FGGY: variants seen among roughly 807,000 people sequenced by gnomAD.
The protein encoded by FGGY is FGGY carbohydrate kinase domain-containing protein.
FGGY carries 72 observed loss-of-function variants against 71.3 expected under a neutral mutation model. The observed-to-expected ratio is 1.01, with a 90% CI of 0.84 to 1.23. The LOEUF (loss-of-function observed/expected upper bound fraction) is 1.23, where lower values mean the gene tolerates loss of function less well. Ranked by LOEUF, FGGY falls within the 50% of genes most tolerant of loss-of-function variation. The pLI is 0.00. For missense variants in FGGY, 668 were observed against 682.3 expected (o/e 0.98, Z 0.23); for synonymous variants, 251 against 250.3 (o/e 1.00, Z -0.02).
At chr1:59,514,076 T>C (rs932207473) in intron 7 of FGGY, among the ~76,000 whole-genome samples, 1 of 152,236 alleles carries the variant, frequency 6.6e-6, no homozygotes, top group Non-Finnish European at 1.5e-5. Context: ...GTGCTTTTGA[T>C]TGGAATGTTA....
At chr1:59,589,893 C>G (rs1255104732) in intron 8 of FGGY, among the ~76,000 whole-genome samples, 1 of 151,994 alleles carries the variant, frequency 6.6e-6, no homozygotes, top group Non-Finnish European at 1.5e-5. Flanking sequence ...GAAGCAAGAG[C>G]AAACACATTC....
chr1:59,338,927 T>C (rs574625140), intron 2 of FGGY, among the ~76,000 whole-genome samples: 7 of 152,178 alleles, frequency 4.6e-5, no homozygotes, highest in African/African-American at 7.2e-5. Context: ...CTGCATATAT[T>C]GCCACTACCA....
At chr1:59,742,284 C>T (rs2098157011) in intron 14 of FGGY, among the ~76,000 whole-genome samples, 1 of 152,214 alleles carries the variant, frequency 6.6e-6, no homozygotes, top group South Asian at 2.1e-4. Context: ...ATCATGCTGC[C>T]TCAGTCATTA....
chr1:59,432,856 C>A (rs537200025), intron 5 of FGGY, among the ~76,000 whole-genome samples: 2 of 152,294 alleles, frequency 1.3e-5, no homozygotes, highest in Non-Finnish European at 2.9e-5. Flanking sequence ...TGCCTGAGGT[C>A]ACATAGTTAA....
chr1:59,425,218 C>T (rs1368952736), intron 5 of FGGY, among the ~76,000 whole-genome samples: 1 of 152,060 alleles, frequency 6.6e-6, no homozygotes, highest in African/African-American at 2.4e-5. Flanking sequence ...TCTGAAATAC[C>T]TGGGAAACAT....
intron 1 of FGGY, among the ~76,000 whole-genome samples, chr1:59,298,386 G>A (rs1354055691): frequency 6.6e-6 from 1 of 152,164 alleles, no homozygotes; most frequent in East Asian, 1.9e-4. Context: ...GAGGGGGAGG[G>A]AGGTTGGGAG....
intron 6 of FGGY, chr1:59,474,275 T>TC (rs1346614600): frequency 1.3e-5 from 2 of 152,156 alleles, no homozygotes. Flanking sequence ...TAATTGGAAG[T>TC]CCCCCAAAAG....
chr1:59,720,833 T>C (rs2097885105), intron 14 of FGGY, among the ~76,000 whole-genome samples: 1 of 152,208 alleles, frequency 6.6e-6, no homozygotes, highest in Admixed American at 6.5e-5. Flanking sequence ...ATTTATTTAG[T>C]TCTTTTCAGG....
At chr1:59,423,499 A>G (rs943851360) in intron 5 of FGGY, among the ~76,000 whole-genome samples, 2 of 152,180 alleles carry the variant, frequency 1.3e-5, no homozygotes, top group Admixed American at 1.3e-4. Flanking sequence ...GTATATTACA[A>G]CAGCCTCCAT....
Position 59,500,699 on chromosome 1 carries a change from T to TA in FGGY, c.671-11607dup, listed in dbSNP as rs2094198920. On this transcript the variant is annotated intron_variant, in intron 6 of 15. Coordinates refer to ENST00000303721, the MANE Select transcript of FGGY (RefSeq NM_018291.5). Reference sequence around the variant, plus strand: ...AAAAAAAAAAAAAGGAAGAAACATGTAAAAAGACAGACCATTTCTAAGATG... The same window carrying TA: ...AAAAAAAAAAAAAGGAAGAAACATGTAAAAAAGACAGACCATTTCTAAGATG... 6.1e-5 allele frequency among the ~76,000 whole-genome samples: 9 copies of TA among 146,494 alleles called. No individual in the cohort carries two copies. The South Asian group carries it at 1.9e-3, about 31-fold the overall frequency.
intron 10 of FGGY, among the ~76,000 whole-genome samples, chr1:59,627,483 TATATATACACACAC>T (rs2096869358): frequency 7.8e-6 from 1 of 128,032 alleles, no homozygotes; most frequent in South Asian, 2.3e-4. Flanking sequence ...TATATATATA[TATATATACACACAC>T]ACACACACAC....
intron 5 of FGGY, among the ~76,000 whole-genome samples, chr1:59,380,262 G>A (rs928956270): frequency 5.3e-5 from 8 of 151,496 alleles, no homozygotes; most frequent in Non-Finnish European, 1.2e-4. Context: ...ACATACATGT[G>A]CATGTGTCTT....
At chr1:59,621,459 CAAAAAAAAAAAAA>C (rs56172542) in intron 9 of FGGY, among the ~76,000 whole-genome samples, 1 of 98,802 alleles carries the variant, frequency 1.0e-5, no homozygotes. Flanking sequence ...GCCTCCGTCT[CAAAAAAAAAAAAA>C]AAAAAAAAGA....
intron 6 of FGGY, among the ~76,000 whole-genome samples, chr1:59,464,186 A>G (rs1369317551): frequency 6.6e-6 from 1 of 152,248 alleles, no homozygotes; most frequent in Admixed American, 6.5e-5. Flanking sequence ...CAGTGCAATC[A>G]AATTGGAACT....
At chr1:59,573,724 A>G (rs1487647200) in intron 8 of FGGY, among the ~76,000 whole-genome samples, 1 of 152,232 alleles carries the variant, frequency 6.6e-6, no homozygotes, top group African/African-American at 2.4e-5. Context: ...ATTGTGCCCC[A>G]TATAAAATCC....
intron 1 of FGGY, among the ~76,000 whole-genome samples, chr1:59,306,664 C>A (rs1462763189): frequency 6.6e-6 from 1 of 152,166 alleles, no homozygotes; most frequent in Non-Finnish European, 1.5e-5. Flanking sequence ...TCAAACCCAA[C>A]TAGAAGACAG....
chr1:59,300,479 G>A (rs535401578), intron 1 of FGGY, among the ~76,000 whole-genome samples: 3 of 152,224 alleles, frequency 2.0e-5, no homozygotes, highest in East Asian at 1.9e-4. Context: ...TTTTGATGAA[G>A]TCTAATTTAT....
At chr1:59,589,156 C>A (rs1231452765) in intron 8 of FGGY, among the ~76,000 whole-genome samples, 2 of 152,112 alleles carry the variant, frequency 1.3e-5, no homozygotes, top group East Asian at 3.9e-4. Flanking sequence ...TCTGATAAAA[C>A]AGACTTTAAA....
At chr1:59,589,259 C>T (rs1343782415) in intron 8 of FGGY, among the ~76,000 whole-genome samples, 1 of 152,112 alleles carries the variant, frequency 6.6e-6, no homozygotes, top group Non-Finnish European at 1.5e-5. Context: ...TATATGCACC[C>T]AATACAGGAG....
Sources: gnomAD v4.1 joint callset for allele counts (sites outside exome capture counted in the v4.1 genomes callset) on GRCh38, gnomAD v4.1.1 for gene constraint, MANE v1.5 for transcripts, NCBI Gene and HGNC (gene_info 2026-07-23, HGNC 2026-07-21) for gene names.